Variants in SLC49A4 observed in about 807,000 individuals in gnomAD.
The protein encoded by SLC49A4 is disrupted in renal cancer protein 2.
A neutral mutation model predicts 50.6 loss-of-function variants in SLC49A4; 36 were observed. The observed-to-expected ratio is 0.71, with a 90% confidence interval of 0.55 to 0.94. SLC49A4 has a LOEUF of 0.94. Among genes scored for constraint, SLC49A4 ranks in the 40% least tolerant of loss-of-function variants. The pLI is 0.00. For synonymous variants in SLC49A4, 248 were observed against 241.2 expected (o/e 1.03, Z -0.26); for missense variants, 503 against 605.7 (o/e 0.83, Z 1.78).
intron 2 of SLC49A4, 139 bp from the exon 3 acceptor site, chr3:122,826,661 T>C: frequency 1.2e-6 from 1 of 806,510 alleles, no homozygotes; most frequent in South Asian, 1.8e-5. Context: ...TAAATCAACA[T>C]GTCTTTTAGG....
At chr3:122,854,829 C>A (rs1479286464) in intron 5 of SLC49A4, among the ~76,000 whole-genome samples, 1 of 152,174 alleles carries the variant, frequency 6.6e-6, no homozygotes, top group African/African-American at 2.4e-5. Context: ...CGGTGGCTCA[C>A]GCCTGTAATC....
chr3:122,795,842 C>G (rs536570000), intron 1 of SLC49A4, among the ~76,000 whole-genome samples: 9 of 152,190 alleles, frequency 5.9e-5, no homozygotes, highest in African/African-American at 2.2e-4. Context: ...CGTGCACGTG[C>G]GGTGTATGTG....
chr3:122,843,689 A>C (rs1281662084), intron 4 of SLC49A4, among the ~76,000 whole-genome samples: 2 of 152,124 alleles, frequency 1.3e-5, no homozygotes, highest in Non-Finnish European at 2.9e-5. Flanking sequence ...TTTTATTCCC[A>C]ACATCTGGAT....
chr3:122,861,623 T>C (rs1050067777), intron 7 of SLC49A4, among the ~76,000 whole-genome samples: 2 of 152,216 alleles, frequency 1.3e-5, no homozygotes, highest in African/African-American at 4.8e-5. Context: ...CTACATTATA[T>C]GTAAGGAATA....
At chr3:122,835,446 C>A (rs1277591858) in intron 4 of SLC49A4, among the ~76,000 whole-genome samples, 11 of 151,990 alleles carry the variant, frequency 7.2e-5, no homozygotes. Context: ...GGGTTTCATA[C>A]CAGAGATTGT....
chr3:122,839,815 T>C (rs1249624593), intron 4 of SLC49A4, among the ~76,000 whole-genome samples: 1 of 152,186 alleles, frequency 6.6e-6, no homozygotes, highest in African/African-American at 2.4e-5. Flanking sequence ...ACCACCTCTA[T>C]GCAAAACAGT....
chr3:122,807,163 A>G (rs1044043829), intron 2 of SLC49A4, among the ~76,000 whole-genome samples: 3 of 152,188 alleles, frequency 2.0e-5, no homozygotes, highest in African/African-American at 7.2e-5. Flanking sequence ...TCCAGGAACA[A>G]TAATAATCAT....
At chr3:122,811,810 A>G (rs1936303809) in intron 2 of SLC49A4, among the ~76,000 whole-genome samples, 1 of 152,212 alleles carries the variant, frequency 6.6e-6, no homozygotes, top group African/African-American at 2.4e-5. Flanking sequence ...TTAGAATATT[A>G]TGTTTAGTAT....
chr3:122,829,022 C>T (rs1349978617), intron 3 of SLC49A4, among the ~76,000 whole-genome samples: 1 of 152,208 alleles, frequency 6.6e-6, no homozygotes, highest in Non-Finnish European at 1.5e-5. Context: ...ATCTGCCTTT[C>T]TGAAAGACTG....
At chr3:122,867,391 G>A (rs1937133342) in intron 7 of SLC49A4, among the ~76,000 whole-genome samples, 1 of 151,994 alleles carries the variant, frequency 6.6e-6, no homozygotes, top group African/African-American at 2.4e-5. Context: ...CATATTATTA[G>A]CACTGATAAT....
chr3:122,842,425 G>T (rs1936783433), intron 4 of SLC49A4, among the ~76,000 whole-genome samples: 1 of 134,900 alleles, frequency 7.4e-6, no homozygotes, highest in Non-Finnish European at 1.5e-5. Context: ...GGCGGAGCTT[G>T]CAGTGAGCCG....
intron 3 of SLC49A4, 152 bp downstream of exon 3, chr3:122,827,217 A>G (rs939506378): frequency 3.5e-6 from 3 of 861,124 alleles, no homozygotes; most frequent in African/African-American, 3.4e-5. Flanking sequence ...GTCATATGAT[A>G]TAGAGATGCT....
intron 1 of SLC49A4, among the ~76,000 whole-genome samples, chr3:122,796,170 A>T (rs909450709): frequency 6.6e-6 from 1 of 152,206 alleles, no homozygotes; most frequent in Admixed American, 6.5e-5. Context: ...TGGACATCTC[A>T]CTTTACCACT....
chr3:122,835,728 C>T lies in SLC49A4; in HGVS notation c.833+2282C>T, dbSNP rs569994209. Among the ~76,000 whole-genome samples the T allele has an allele frequency of 1.1e-4, 16 of 152,134 alleles. No individual in the cohort carries two copies. In the South Asian group the frequency reaches 2.1e-3, roughly 20 times the overall value. On this transcript the variant is annotated intron_variant, in intron 4 of 8. Coordinates refer to ENST00000261038, the MANE Select transcript of SLC49A4 (RefSeq NM_032839.3). ...GATGCCCACATTCACCACTTCAGTT[C>T]GAAAGTACTAGAAGTCCTAGCCAGA...
chr3:122,823,995 C>G (rs552347092), intron 2 of SLC49A4, among the ~76,000 whole-genome samples: 5 of 152,278 alleles, frequency 3.3e-5, no homozygotes, highest in Non-Finnish European at 5.9e-5. Context: ...ATATAAGTGT[C>G]AGAAGGAGCA....
At chr3:122,798,813 AT>A (rs1174401442) in intron 1 of SLC49A4, among the ~76,000 whole-genome samples, 5 of 150,792 alleles carry the variant, frequency 3.3e-5, no homozygotes, top group Non-Finnish European at 5.9e-5. Flanking sequence ...AGTTTTTTGT[AT>A]TTTTTGCAGA....
chr3:122,834,155 C>G (rs1282083784), intron 4 of SLC49A4, among the ~76,000 whole-genome samples: 1 of 152,052 alleles, frequency 6.6e-6, no homozygotes, highest in Admixed American at 6.6e-5. Flanking sequence ...TTTATTGATT[C>G]TTCAACAACT....
At chr3:122,809,085 G>A (rs1294980970) in intron 2 of SLC49A4, among the ~76,000 whole-genome samples, 2 of 152,180 alleles carry the variant, frequency 1.3e-5, no homozygotes, top group Admixed American at 6.5e-5. Flanking sequence ...CAGAAGTGGG[G>A]GAGAGTGGAT....
At chr3:122,840,035 A>C (rs968224543) in intron 4 of SLC49A4, among the ~76,000 whole-genome samples, 2 of 152,222 alleles carry the variant, frequency 1.3e-5, no homozygotes, top group African/African-American at 4.8e-5. Flanking sequence ...GTGTATATAC[A>C]CCATAGAATA....
Sources: allele counts gnomAD v4.1 joint callset (sites outside exome capture counted in the v4.1 genomes callset), GRCh38; gene constraint gnomAD v4.1.1; transcripts MANE v1.5; gene names NCBI Gene and HGNC (gene_info 2026-07-23, HGNC 2026-07-21).